The following ITGA8 variants were observed in gnomAD, a reference collection of about 807,000 sequenced individuals.
ITGA8 encodes the protein integrin alpha-8.
In ITGA8, 91 loss-of-function variants were observed where a neutral mutation model predicts 142.3. The ratio of observed to expected loss-of-function variants is 0.64; its 90% CI spans 0.54 to 0.76. ITGA8 has a LOEUF of 0.76. Among genes scored for constraint, ITGA8 ranks in the 30% least tolerant of loss-of-function variants. The pLI, the probability that ITGA8 is intolerant of heterozygous loss-of-function variation, is 0.00. For missense variants in ITGA8, 1,406 were observed against 1,327.7 expected (o/e 1.06, Z -0.92); for synonymous variants, 505 against 485.2 (o/e 1.04, Z -0.54).
chr10:15,521,794 C>T (rs1027263274), intron 28 of ITGA8, among the ~76,000 whole-genome samples: 1 of 152,146 alleles, frequency 6.6e-6, no homozygotes, highest in Admixed American at 6.5e-5. Flanking sequence ...TTTCAAGGAC[C>T]CACCGTGGTT....
intron 26 of ITGA8, among the ~76,000 whole-genome samples, chr10:15,557,160 C>T (rs1224790013): frequency 6.6e-6 from 1 of 152,122 alleles, no homozygotes; most frequent in African/African-American, 2.4e-5. Context: ...GCAGGCAGAT[C>T]ACTTGAGGTC....
chr10:15,646,762 T>C, intron 12 of ITGA8, 84 bp downstream of exon 12: 1 of 972,282 alleles, frequency 1.0e-6, no homozygotes, highest in Non-Finnish European at 1.6e-6. Flanking sequence ...ACACACACCA[T>C]ACTGAATACT....
intron 13 of ITGA8, among the ~76,000 whole-genome samples, chr10:15,637,633 T>C (rs1315503747): frequency 6.6e-6 from 1 of 151,518 alleles, no homozygotes; most frequent in East Asian, 1.9e-4. Flanking sequence ...CACTTCAGAC[T>C]CCCAAGTAGC....
chr10:15,561,235 G>GTATATATATATATA lies in ITGA8; in HGVS notation c.2638-3047_2638-3034dup, dbSNP rs796194795. Among the ~76,000 whole-genome samples the GTATATATATATATA allele has an allele frequency of 4.9e-5, 5 of 101,574 alleles. No individual in the cohort carries two copies. The East Asian group carries it at 1.5e-3, about 31-fold the overall frequency. The allele number at this position is 101,574 out of a possible 152,430, so 66.6% of individuals were successfully genotyped here. ...TATATATATATATATATATATATAT[G>GTATATATATATATA]TATATATATATATATATATGTATGT... On this transcript the variant is annotated intron_variant, in intron 25 of 29. Coordinates refer to ENST00000378076, the MANE Select transcript of ITGA8 (RefSeq NM_003638.3).
intron 25 of ITGA8, among the ~76,000 whole-genome samples, chr10:15,562,691 A>G (rs754327887): frequency 6.6e-6 from 1 of 152,184 alleles, no homozygotes; most frequent in Non-Finnish European, 1.5e-5. Context: ...GGGTAGCTTG[A>G]GGTGTTGTTG....
chr10:15,580,984 C>T (rs1834397464), intron 23 of ITGA8, among the ~76,000 whole-genome samples: 2 of 152,202 alleles, frequency 1.3e-5, no homozygotes, highest in African/African-American at 4.8e-5. Context: ...TTAACCTTGT[C>T]CAAGAAGAGG....
intron 27 of ITGA8, 100 bp from the exon 28 acceptor site, chr10:15,531,251 A>C (rs1833286474): frequency 1.8e-6 from 1 of 564,338 alleles, no homozygotes; most frequent in South Asian, 4.5e-5. Flanking sequence ...ATTTCAAGGC[A>C]AAATTTCCTC....
intron 4 of ITGA8, among the ~76,000 whole-genome samples, chr10:15,681,843 G>C (rs550333511): frequency 1.3e-5 from 2 of 152,140 alleles, no homozygotes; most frequent in African/African-American, 4.8e-5. Context: ...TATAGGATAT[G>C]GACAGGTGTA....
intron 21 of ITGA8, 200 bp downstream of exon 21, chr10:15,597,007 C>A: frequency 3.6e-6 from 2 of 561,176 alleles, no homozygotes; most frequent in Non-Finnish European, 6.3e-6. Flanking sequence ...GAAGAGCATG[C>A]ATCTTTCTGT....
chr10:15,605,762 G>T lies in ITGA8; in HGVS notation c.1932C>A (p.Asp644Glu). The T allele has an allele frequency of 6.2e-7, 1 of 1,613,486 alleles. No individual in the cohort carries two copies. ...GCTTCAAGTCAGGAACACACAGATT[G>T]TCTTCTCCACAGTCCACCAGAATGT... ...QAHILVDCGE[D>E]NLCVPDLKLS... The change falls in exon 19 of 30, where the codon GAC becomes GAA. Residue 644 changes from aspartate to glutamate, a missense_variant. Asp to Glu is a conservative substitution (Grantham distance 45, BLOSUM62 2). Coordinates refer to ENST00000378076, the MANE Select transcript of ITGA8 (RefSeq NM_003638.3).
At chr10:15,668,933 C>G (rs1834452376) in intron 8 of ITGA8, among the ~76,000 whole-genome samples, 1 of 152,216 alleles carries the variant, frequency 6.6e-6, no homozygotes, top group Admixed American at 6.5e-5. Context: ...CCCGACCTTT[C>G]TCTCTGGCTG....
At chr10:15,521,803 T>C (rs1294928119) in intron 28 of ITGA8, among the ~76,000 whole-genome samples, 1 of 152,224 alleles carries the variant, frequency 6.6e-6, no homozygotes, top group Non-Finnish European at 1.5e-5. Context: ...CCCACCGTGG[T>C]TGCAATTCTA....
chr10:15,532,899 C>T (rs1833340631), intron 27 of ITGA8, among the ~76,000 whole-genome samples: 1 of 152,156 alleles, frequency 6.6e-6, no homozygotes, highest in African/African-American at 2.4e-5. Flanking sequence ...ATTATCTGTG[C>T]TCAGGATGTG....
intron 10 of ITGA8, among the ~76,000 whole-genome samples, chr10:15,658,306 T>C (rs1212650074): frequency 6.6e-6 from 1 of 152,202 alleles, no homozygotes; most frequent in Admixed American, 6.5e-5. Flanking sequence ...CTTCTTCCCA[T>C]ATCTTACATC....
At chr10:15,545,035 C>T (rs1833642311) in intron 27 of ITGA8, among the ~76,000 whole-genome samples, 1 of 152,168 alleles carries the variant, frequency 6.6e-6, no homozygotes, top group African/African-American at 2.4e-5. Flanking sequence ...GACACTGAAC[C>T]AGAATCACCC....
chr10:15,642,975 A>G (rs1261241930), intron 13 of ITGA8, among the ~76,000 whole-genome samples: 2 of 152,220 alleles, frequency 1.3e-5, no homozygotes, highest in South Asian at 2.1e-4. Flanking sequence ...TCATTTAACT[A>G]TTAATGACTT....
intron 23 of ITGA8, among the ~76,000 whole-genome samples, chr10:15,583,955 A>G (rs533781383): frequency 1.3e-5 from 2 of 152,344 alleles, no homozygotes; most frequent in Admixed American, 6.5e-5. Flanking sequence ...AGAATAGAAA[A>G]GAATTTCTAT....
At chr10:15,533,946 G>A (rs577118139) in intron 27 of ITGA8, among the ~76,000 whole-genome samples, 1 of 148,288 alleles carries the variant, frequency 6.7e-6, no homozygotes, top group Non-Finnish European at 1.5e-5. Flanking sequence ...TCATTCTGTT[G>A]CCCAGGCTAG....
intron 22 of ITGA8, among the ~76,000 whole-genome samples, chr10:15,589,824 G>A (rs1287757964): frequency 1.3e-5 from 2 of 148,740 alleles, no homozygotes; most frequent in Admixed American, 6.7e-5. Context: ...GTGCAGTGGC[G>A]CAATCTTGAC....
Sources: allele counts gnomAD v4.1 joint callset (sites outside exome capture counted in the v4.1 genomes callset), GRCh38; gene constraint gnomAD v4.1.1; transcripts MANE v1.5; gene names NCBI Gene and HGNC (gene_info 2026-07-23, HGNC 2026-07-21).